The following THSD4 variants were observed in gnomAD, a reference collection of about 807,000 sequenced individuals.
The protein encoded by THSD4 is thrombospondin type-1 domain-containing protein 4.
In THSD4, 69 loss-of-function variants were observed where a neutral mutation model predicts 119.0. The observed-to-expected ratio is 0.58, with a 90% confidence interval of 0.48 to 0.71. The LOEUF (loss-of-function observed/expected upper bound fraction) is 0.71. Among genes scored for constraint, THSD4 ranks in the 30% least tolerant of loss-of-function variants. The pLI, the probability that THSD4 is intolerant of heterozygous loss-of-function variation, is 0.00. For synonymous variants in THSD4, 524 were observed against 540.4 expected, an observed-to-expected ratio of 0.97 and a Z score of 0.42; for missense variants, 1,393 against 1,391.1, an observed-to-expected ratio of 1.00 and a Z score of -0.02.
intron 7 of THSD4, among the ~76,000 whole-genome samples, chr15:71,458,255 G>A (rs2047367428): frequency 6.6e-6 from 1 of 152,094 alleles, no homozygotes; most frequent in African/African-American, 2.4e-5. Context: ...TTAGAACAAG[G>A]ATTTTGTGAT....
chr15:71,568,568 C>CTTTTTTTTTTTTTTTTTTTTTT (rs61430926), intron 7 of THSD4, among the ~76,000 whole-genome samples: 1 of 137,872 alleles, frequency 7.3e-6, no homozygotes. Context: ...CTCTTTTTCT[C>CTTTTTTTTTTTTTTTTTTTTTT]TTTTTTTTTT....
intron 7 of THSD4, among the ~76,000 whole-genome samples, chr15:71,626,301 C>A (rs1370071190): frequency 6.6e-6 from 1 of 152,162 alleles, no homozygotes; most frequent in Non-Finnish European, 1.5e-5. Flanking sequence ...TGTTTTCCAG[C>A]ACTAATACTT....
chr15:71,749,611 TAGGTCTGAGGCAGC>T (rs969677727), intron 14 of THSD4, among the ~76,000 whole-genome samples: 52 of 152,324 alleles, frequency 3.4e-4, no homozygotes, highest in African/African-American at 1.3e-3. Context: ...CATTAAAGTG[TAGGTCTGAGGCAGC>T]AGGTGTGGGG....
intron 7 of THSD4, among the ~76,000 whole-genome samples, chr15:71,545,672 C>T (rs1339314478): frequency 6.6e-5 from 10 of 152,108 alleles, no homozygotes; most frequent in Non-Finnish European, 7.3e-5. Context: ...AGTTAGGTAG[C>T]AGAACAGAAC....
chr15:71,383,934 G>A (rs1235615998), intron 6 of THSD4, among the ~76,000 whole-genome samples: 1 of 152,230 alleles, frequency 6.6e-6, no homozygotes, highest in Non-Finnish European at 1.5e-5. Context: ...TACATCTGCA[G>A]GAAGTCCTGA....
intron 3 of THSD4, among the ~76,000 whole-genome samples, chr15:71,162,325 T>G (rs1160398320): frequency 2.6e-5 from 4 of 152,094 alleles, no homozygotes; most frequent in African/African-American, 9.6e-5. Context: ...TAGTGATGAA[T>G]TCTCTCAGTT....
At chr15:71,270,241 A>T (rs754482266) in intron 6 of THSD4, among the ~76,000 whole-genome samples, 1 of 152,254 alleles carries the variant, frequency 6.6e-6, no homozygotes, top group Non-Finnish European at 1.5e-5. Flanking sequence ...TGGTACTGGT[A>T]CCAAAACTGA....
chr15:71,257,542 A>G (rs1159272312), intron 6 of THSD4, among the ~76,000 whole-genome samples: 1 of 152,166 alleles, frequency 6.6e-6, no homozygotes, highest in East Asian at 1.9e-4. Context: ...AAGGTTGGCC[A>G]AGACCCAGAG....
At chr15:71,470,642 T>G (rs2047564020) in intron 7 of THSD4, among the ~76,000 whole-genome samples, 1 of 151,916 alleles carries the variant, frequency 6.6e-6, no homozygotes, top group Admixed American at 6.5e-5. Flanking sequence ...ATTTTTTTTT[T>G]TTTTGAGACG....
chr15:71,269,381 C>T (rs529289523), intron 6 of THSD4, among the ~76,000 whole-genome samples: 180 of 152,160 alleles, frequency 1.2e-3, no homozygotes, highest in African/African-American at 4.1e-3. Context: ...CAGAAAAGGC[C>T]CTTGATAAAA....
At chr15:71,730,680 A>G (rs1301012909) in intron 9 of THSD4, 3 of 155,734 alleles carry the variant, frequency 1.9e-5, no homozygotes, top group African/African-American at 7.2e-5. Flanking sequence ...GGGAACCTAA[A>G]GCATCCCGGG....
chr15:71,541,275 C>A (rs902581203), intron 7 of THSD4, among the ~76,000 whole-genome samples: 4 of 151,934 alleles, frequency 2.6e-5, no homozygotes, highest in Admixed American at 6.6e-5. Context: ...TTGCTTATAC[C>A]AAGTTTTCAA....
chr15:71,566,855 A>G (rs1457270255), intron 7 of THSD4, among the ~76,000 whole-genome samples: 1 of 151,404 alleles, frequency 6.6e-6, no homozygotes, highest in Non-Finnish European at 1.5e-5. Context: ...CACCCTGAGT[A>G]CTTAACTGGG....
chr15:71,410,106 C>A (rs2046665148), intron 6 of THSD4, among the ~76,000 whole-genome samples: 2 of 152,002 alleles, frequency 1.3e-5, no homozygotes, highest in Non-Finnish European at 2.9e-5. Context: ...CAGAAAGACT[C>A]TGAGGTAGGG....
At chr15:71,461,002 C>A (rs78198778) in intron 7 of THSD4, among the ~76,000 whole-genome samples, 3 of 152,142 alleles carry the variant, frequency 2.0e-5, no homozygotes, top group Non-Finnish European at 4.4e-5. Context: ...GTAGCAATAA[C>A]ATTTATCATA....
At chr15:71,274,125 A>T (rs1189957366) in intron 6 of THSD4, among the ~76,000 whole-genome samples, 1 of 152,218 alleles carries the variant, frequency 6.6e-6, no homozygotes, top group Non-Finnish European at 1.5e-5. Flanking sequence ...AAGACTACAC[A>T]CAGAGGGGAG....
chr15:71,628,792 C>T (rs1014036044), intron 7 of THSD4, among the ~76,000 whole-genome samples: 1 of 152,178 alleles, frequency 6.6e-6, no homozygotes, highest in African/African-American at 2.4e-5. Flanking sequence ...AAAATCCATG[C>T]AAGTTTGGGA....
intron 8 of THSD4, among the ~76,000 whole-genome samples, chr15:71,683,604 TC>T (rs931582299): frequency 1.3e-5 from 2 of 152,200 alleles, no homozygotes; most frequent in African/African-American, 4.8e-5. Context: ...AGGAATGTGA[TC>T]CTTGAATTCC....
intron 7 of THSD4, among the ~76,000 whole-genome samples, chr15:71,561,921 A>ACACAG (rs1567037688): frequency 4.6e-5 from 1 of 21,732 alleles, no homozygotes; most frequent in African/African-American, 3.4e-4. Context: ...CACACACACA[A>ACACAG]ACACTCACTC....
Sources: allele counts gnomAD v4.1 joint callset (sites outside exome capture counted in the v4.1 genomes callset), GRCh38; gene constraint gnomAD v4.1.1; transcripts MANE v1.5; gene names NCBI Gene and HGNC (gene_info 2026-07-23, HGNC 2026-07-21).